BMPR2: variants seen among roughly 807,000 people sequenced by gnomAD.
BMPR2 encodes bone morphogenetic protein receptor type-2.
BMPR2 carries 29 observed loss-of-function variants against 100.8 expected under a neutral mutation model. The observed-to-expected ratio is 0.29, with a 90% CI of 0.21 to 0.39. The LOEUF (loss-of-function observed/expected upper bound fraction) is 0.39, where lower values mean the gene tolerates loss of function less well. BMPR2 is among the 10% of genes least tolerant of loss of function. The probability of loss-of-function intolerance (pLI) is 1.00; values close to 1 mark genes in which losing one functional copy is unlikely to be tolerated. For missense variants in BMPR2, 1,011 were observed against 1,274.5 expected (o/e 0.79, Z 3.15); for synonymous variants, 382 against 442.3 (o/e 0.86, Z 1.71).
rs1166280962 is a variant in BMPR2 at position 202,464,914 on chromosome 2, C to T, written c.182C>T (p.Ser61Leu). ...ISHENGTILC[S>L]KGSTCYGLWE... is the part of the protein sequence containing the mutation. Reference sequence around the variant, plus strand: ...CATGAAAATGGGACAATATTATGCTCGAAAGGTAGCACCTGCTATGGCCTT... The same window carrying T: ...CATGAAAATGGGACAATATTATGCTTGAAAGGTAGCACCTGCTATGGCCTT... The change falls in exon 2 of 13, where the codon TCG (serine) becomes TTG (leucine). Residue 61 changes from serine (S) to leucine (L), a missense_variant. Around this residue, in one of 6 missense-constraint regions of BMPR2, gnomAD observed 355 missense variants for 455.3 expected, o/e 0.78. Coordinates refer to ENST00000374580, the MANE Select transcript of BMPR2 (RefSeq NM_001204.7). 5.6e-6 allele frequency: 9 copies of T among 1,613,956 alleles called. No homozygotes were observed. The highest frequency in any genetic ancestry group is 2.7e-5 in the African/African-American group (2 of 74,964).
At chr2:202,448,924 G>GGTGTGTGTGTGT (rs55680029) in intron 1 of BMPR2, among the ~76,000 whole-genome samples, 22 of 142,814 alleles carry the variant, frequency 1.5e-4, no homozygotes, top group African/African-American at 3.4e-4. Context: ...GTTTAGAATT[G>GGTGTGTGTGTGT]GTGTGTGTGT....
intron 3 of BMPR2, among the ~76,000 whole-genome samples, chr2:202,512,073 T>C (rs373173439): frequency 2.0e-5 from 3 of 151,810 alleles, no homozygotes; most frequent in East Asian, 1.9e-4. Context: ...GTCTGCAAAT[T>C]AAGAGTATTT....
chr2:202,382,545 G>A (rs550720557), intron 1 of BMPR2, among the ~76,000 whole-genome samples: 2 of 152,260 alleles, frequency 1.3e-5, no homozygotes, highest in South Asian at 4.1e-4. Context: ...TGCTTCCAGA[G>A]GACAGTATTC....
At chr2:202,432,883 T>A (rs1351494498) in intron 1 of BMPR2, among the ~76,000 whole-genome samples, 1 of 150,582 alleles carries the variant, frequency 6.6e-6, no homozygotes, top group Non-Finnish European at 1.5e-5. Context: ...TGTTGTTAAC[T>A]AAAATGATAA....
chr2:202,457,561 T>TATAG (rs750336398), intron 1 of BMPR2, among the ~76,000 whole-genome samples: 57 of 94,842 alleles, frequency 6.0e-4, no homozygotes, highest in East Asian at 1.5e-3. Flanking sequence ...TATATATATA[T>TATAG]AGAGAGAGAG....
intron 1 of BMPR2, among the ~76,000 whole-genome samples, chr2:202,461,732 A>G (rs1692228257): frequency 6.6e-6 from 1 of 152,206 alleles, no homozygotes; most frequent in Admixed American, 6.5e-5. Context: ...AATTGAGAAT[A>G]AGAATTGACT....
intron 1 of BMPR2, among the ~76,000 whole-genome samples, chr2:202,455,341 A>G (rs986046902): frequency 2.0e-5 from 3 of 152,178 alleles, no homozygotes; most frequent in Admixed American, 6.5e-5. Flanking sequence ...TGAGCCCAGG[A>G]AATTGAGACC....
intron 5 of BMPR2, 38 bp from the exon 6 acceptor site, chr2:202,518,784 G>A (rs1370392299): frequency 1.0e-5 from 15 of 1,496,316 alleles, no homozygotes; most frequent in Non-Finnish European, 1.3e-5. Flanking sequence ...TTGTTCAATT[G>A]TGATATTAAT....
chr2:202,380,251 A>G (rs1690250412), intron 1 of BMPR2, among the ~76,000 whole-genome samples: 1 of 152,142 alleles, frequency 6.6e-6, no homozygotes, highest in Non-Finnish European at 1.5e-5. Context: ...TTATGAATGA[A>G]TTCTTAATAA....
intron 1 of BMPR2, among the ~76,000 whole-genome samples, chr2:202,396,549 T>C (rs1489984883): frequency 2.6e-5 from 4 of 152,190 alleles, no homozygotes; most frequent in Non-Finnish European, 5.9e-5. Flanking sequence ...ACATCTAGGC[T>C]TATCTATTTT....
At chr2:202,412,589 G>A (rs575373970) in intron 1 of BMPR2, among the ~76,000 whole-genome samples, 2 of 152,262 alleles carry the variant, frequency 1.3e-5, no homozygotes, top group East Asian at 1.9e-4. Flanking sequence ...AAAGTGCTGG[G>A]ATTACAGGCG....
rs1423951489 is a variant in BMPR2 at position 202,559,807 on chromosome 2, C to T, written c.2978C>T (p.Thr993Ile). Residue 993 changes from threonine (T) to isoleucine (I), a missense_variant, in exon 13 of 13, where the codon ACT becomes ATT. Physicochemically the swap from Thr to Ile is moderately conservative, Grantham distance 89. Coordinates refer to ENST00000374580, the MANE Select transcript of BMPR2 (RefSeq NM_001204.7). ...RWRPSTWVIS[T>I]ESLDCEVNNN... ...CGCCCCTCCACCTGGGTCATCTCCA[C>T]TGAATCGCTGGACTGTGAAGTCAAC... 1.2e-6 allele frequency: 2 copies of T among 1,614,056 alleles called. No homozygotes were observed. Among genetic ancestry groups the T allele is most frequent in the Non-Finnish European group, 1.7e-6 (2 of 1,180,046 alleles).
At chr2:202,535,273 T>G (rs1411418528) in intron 9 of BMPR2, among the ~76,000 whole-genome samples, 1 of 150,682 alleles carries the variant, frequency 6.6e-6, no homozygotes, top group African/African-American at 2.5e-5. Flanking sequence ...GCGGAGAGGC[T>G]CCTCACTTCT....
chr2:202,537,707 TAAAG>T (rs986717672), intron 9 of BMPR2, among the ~76,000 whole-genome samples: 1 of 151,586 alleles, frequency 6.6e-6, no homozygotes, highest in Non-Finnish European at 1.5e-5. Context: ...AAAAAAAAAA[TAAAG>T]GAATAAGAAG....
rs915779424 is a variant in BMPR2 at position 202,562,137 on chromosome 2, T to A, written c.*2191T>A. The A allele has an allele frequency of 2.0e-5, 3 of 152,238 alleles. No individual in the cohort carries two copies. The highest frequency in any genetic ancestry group is 7.2e-5 in the African/African-American group (3 of 41,472). 9.4% of individuals were successfully genotyped at this position (152,238 alleles called of 1,614,324 possible). On this transcript the variant is annotated 3_prime_UTR_variant, in exon 13 of 13. Transcript: ENST00000374580. ...TAGGACAACTTTGAATCAAAATAAA[T>A]TATGTTCCTTCTCCAATTTGAAGCA... is the stretch of plus-strand genomic sequence containing the variant.
At chr2:202,432,715 A>G (rs2105932276) in intron 1 of BMPR2, among the ~76,000 whole-genome samples, 1 of 150,636 alleles carries the variant, frequency 6.6e-6, no homozygotes. Flanking sequence ...CCTAGATTAG[A>G]TGTTATCTAA....
intron 1 of BMPR2, among the ~76,000 whole-genome samples, chr2:202,436,623 A>G (rs1691620688): frequency 6.6e-6 from 1 of 150,754 alleles, no homozygotes. Context: ...GAAAACATCT[A>G]AGTAGATCAT....
chr2:202,412,468 G>A (rs533814727), intron 1 of BMPR2, among the ~76,000 whole-genome samples: 7 of 152,074 alleles, frequency 4.6e-5, no homozygotes, highest in African/African-American at 1.4e-4. Flanking sequence ...ACAGGTGCCC[G>A]CCACCATGCC....
At chr2:202,530,062 A>G (rs955497823) in intron 7 of BMPR2, among the ~76,000 whole-genome samples, 1 of 152,170 alleles carries the variant, frequency 6.6e-6, no homozygotes, top group Non-Finnish European at 1.5e-5. Context: ...GCAATCATTT[A>G]CTGTGTGTCT....
Sources: gnomAD v4.1 joint callset for allele counts (sites outside exome capture counted in the v4.1 genomes callset) on GRCh38, gnomAD v4.1.1 for gene constraint, gnomAD v4.1.1 regional missense constraint, MANE v1.5 for transcripts, NCBI Gene and HGNC (gene_info 2026-07-23, HGNC 2026-07-21) for gene names.